The following ZNF678 variants were observed in gnomAD, a reference collection of about 807,000 sequenced individuals.
ZNF678 encodes zinc finger protein 678.
Under a neutral mutation model 3.0 loss-of-function variants are expected in ZNF678, and 5 were observed. The ratio of observed to expected loss-of-function variants is 1.69; its 90% confidence interval spans 0.88 to 3.56. ZNF678 has a LOEUF of 3.56. ZNF678 is among the 30% of genes most tolerant of loss of function. ZNF678 has a pLI of 0.00. For synonymous variants in ZNF678, 218 were observed against 199.6 expected (o/e 1.09, Z -0.78); for missense variants, 593 against 605.0 (o/e 0.98, Z 0.21).
At chr1:227,616,349 T>C (rs993060616) in intron 1 of ZNF678, among the ~76,000 whole-genome samples, 2 of 152,202 alleles carry the variant, frequency 1.3e-5, no homozygotes, top group Non-Finnish European at 2.9e-5. Flanking sequence ...GGCCTCAGGC[T>C]CAGGGTGACT....
At chr1:227,591,288 T>A (rs908167509) in intron 1 of ZNF678, among the ~76,000 whole-genome samples, 1 of 152,098 alleles carries the variant, frequency 6.6e-6, no homozygotes, top group African/African-American at 2.4e-5. Context: ...TAAGGGTTAT[T>A]ACTAGTTCTA....
rs187419198 is a variant in ZNF678 at position 227,629,662 on chromosome 1, G to A, written c.-163-16882G>A. 4.0e-3 allele frequency among the ~76,000 whole-genome samples: 616 copies of A among 152,348 alleles called. 5 individuals carry two copies. The highest frequency in any genetic ancestry group is 0.014 in the African/African-American group (563 of 41,584). On this transcript the variant is annotated intron_variant, in intron 1 of 3. Coordinates refer to ENST00000343776, the MANE Select transcript of ZNF678 (RefSeq NM_001367909.1). The stretch of plus-strand genomic sequence containing the variant: ...TGTGAGGGTGATGGCATGGGCCGGC[G>A]CTTGCCCCGGGAACCCTCATTCCTG...
chr1:227,644,852 G>T (rs377290815), intron 1 of ZNF678, among the ~76,000 whole-genome samples: 1 of 152,090 alleles, frequency 6.6e-6, no homozygotes, highest in African/African-American at 2.4e-5. Context: ...TAAGAACATC[G>T]GTGTTGTTTT....
chr1:227,602,225 T>C (rs146509429), intron 1 of ZNF678, among the ~76,000 whole-genome samples: 66 of 152,346 alleles, frequency 4.3e-4, no homozygotes, highest in Non-Finnish European at 8.5e-4. Flanking sequence ...GAGATAATAA[T>C]TGCTGAATTT....
At chr1:227,623,166 A>G (rs1658322160) in intron 1 of ZNF678, among the ~76,000 whole-genome samples, 2 of 152,356 alleles carry the variant, frequency 1.3e-5, no homozygotes, top group South Asian at 2.1e-4. Context: ...ATTTGCTCCT[A>G]TGGGTTCTGT....
chr1:227,669,209 T>G (rs1256310040), intron 5 of ZNF678, among the ~76,000 whole-genome samples: 1 of 151,636 alleles, frequency 6.6e-6, no homozygotes, highest in Non-Finnish European at 1.5e-5. Flanking sequence ...GAAACTTAAG[T>G]CAACAAGTAG....
intron 1 of ZNF678, among the ~76,000 whole-genome samples, chr1:227,565,676 C>T (rs1269507452): frequency 6.6e-6 from 1 of 152,200 alleles, no homozygotes; most frequent in Non-Finnish European, 1.5e-5. Context: ...TGCTTTTTAT[C>T]TTTCCTAGGC....
chr1:227,626,521 T>C (rs1384730875), intron 1 of ZNF678, among the ~76,000 whole-genome samples: 1 of 152,140 alleles, frequency 6.6e-6, no homozygotes, highest in African/African-American at 2.4e-5. Context: ...AACTTGTTGA[T>C]ATTTGGCTAA....
chr1:227,613,579 C>A (rs907435368), intron 1 of ZNF678, among the ~76,000 whole-genome samples: 1 of 152,192 alleles, frequency 6.6e-6, no homozygotes, highest in Non-Finnish European at 1.5e-5. Flanking sequence ...GAAAGTGAGC[C>A]AGCAGCTTGA....
rs1054304680 is a variant in ZNF678, at chr1:227,657,630, A to G, written c.*1802A>G. 2 of 151,964 alleles carry G rather than the reference A, an allele frequency of 1.3e-5. No individual in the cohort carries two copies. Among genetic ancestry groups the G allele is most frequent in the African/African-American group, 4.8e-5 (2 of 41,422 alleles). 9.4% of individuals were successfully genotyped at this position (151,964 alleles called of 1,614,324 possible). A position where few individuals can be genotyped will look rare whatever the true frequency, so the allele number is the denominator to read the frequency against. ...ACCCCTCTGGCCTGTAAAAACACAT[A>G]CATACATTTAGTTTTGATTAACATG... On this transcript the variant is annotated 3_prime_UTR_variant, in exon 4 of 4. Transcript: ENST00000343776.
chr1:227,648,590 C>T (rs12092295), intron 2 of ZNF678, among the ~76,000 whole-genome samples: 33,368 of 151,940 alleles, frequency 0.22, 4,048 homozygotes, highest in East Asian at 0.44. Context: ...GGCCAAGGTG[C>T]GCAGATCACT....
chr1:227,603,164 G>C (rs904725733), intron 1 of ZNF678, among the ~76,000 whole-genome samples: 1 of 152,190 alleles, frequency 6.6e-6, no homozygotes, highest in Admixed American at 6.5e-5. Context: ...TGAGGAGAAA[G>C]AGCAGCTCCA....
chr1:227,658,935 C>G lies in ZNF678; in HGVS notation c.*3107C>G, dbSNP rs1240098327. On this transcript the variant is annotated 3_prime_UTR_variant, in exon 4 of 4. Transcript: ENST00000343776. ...TCATAATCACTATATAAAGAAACAT[C>G]AGAATTTGGAAACCCCTTAAGCAAA... The G allele has an allele frequency of 6.6e-6, 1 of 151,902 alleles. No homozygotes were observed. The highest frequency in any genetic ancestry group is 1.5e-5 in the Non-Finnish European group (1 of 67,934). 9.4% of individuals were successfully genotyped at this position (151,902 alleles called of 1,614,324 possible). A position where few individuals can be genotyped will look rare whatever the true frequency, so the allele number is the denominator to read the frequency against.
In ZNF678 at chr1:227,563,650, C is replaced by T; in HGVS notation, c.-238C>T. The T allele has an allele frequency of 2.3e-6, 3 of 1,314,408 alleles. No homozygotes were observed. The highest frequency in any genetic ancestry group is 3.0e-6 in the Non-Finnish European group (3 of 992,508). 81.4% of individuals were successfully genotyped at this position (1,314,408 alleles called of 1,614,324 possible). ...CCTGGTGACTCTGCTGCTGCAGTGT[C>T]TGGTTTCCCTGTGACCTGCAGGTAC... On this transcript the variant is annotated 5_prime_UTR_variant, in exon 1 of 4. Transcript: ENST00000343776.
chr1:227,644,940 G>GT (rs2102795244), intron 1 of ZNF678, among the ~76,000 whole-genome samples: 1 of 152,284 alleles, frequency 6.6e-6, no homozygotes, highest in Admixed American at 6.5e-5. Flanking sequence ...TGAGAGTTGA[G>GT]TTCAGCCTTT....
intron 2 of ZNF678, among the ~76,000 whole-genome samples, chr1:227,648,742 T>C (rs1276421187): frequency 6.6e-6 from 1 of 151,994 alleles, no homozygotes; most frequent in Admixed American, 6.6e-5. Flanking sequence ...TTTGCTTGAA[T>C]CTGGGAAGTG....
intron 5 of ZNF678, among the ~76,000 whole-genome samples, chr1:227,673,041 A>G (rs1311189287): frequency 2.0e-5 from 3 of 152,048 alleles, no homozygotes; most frequent in Non-Finnish European, 2.9e-5. Context: ...TGCCTGTATC[A>G]TCCTCATAAA....
chr1:227,565,270 T>G (rs1656645919), intron 1 of ZNF678, among the ~76,000 whole-genome samples: 1 of 152,054 alleles, frequency 6.6e-6, no homozygotes, highest in South Asian at 2.1e-4. Flanking sequence ...TTCACCATGT[T>G]GGCCAGGATT....
chr1:227,655,958 A>G lies in ZNF678; in HGVS notation c.*130A>G. 1 of 649,832 alleles carries G rather than the reference A, an allele frequency of 1.5e-6. No individual in the cohort carries two copies. The highest frequency in any genetic ancestry group is 3.1e-5 in the East Asian group (1 of 32,674). 40.3% of individuals were successfully genotyped at this position (649,832 alleles called of 1,614,324 possible). ...CACAACACTATACTGAATGAAATTT[A>G]TAAATATAAAAGATTACAATATCTT... is the stretch of plus-strand genomic sequence containing the variant. On this transcript the variant is annotated 3_prime_UTR_variant, in exon 4 of 4. Transcript: ENST00000343776.
Sources: allele counts gnomAD v4.1 joint callset (sites outside exome capture counted in the v4.1 genomes callset), GRCh38; gene constraint gnomAD v4.1.1; transcripts MANE v1.5; gene names NCBI Gene and HGNC (gene_info 2026-07-23, HGNC 2026-07-21).